SHCBP1L: variants seen among roughly 807,000 people sequenced by gnomAD.
The protein encoded by SHCBP1L is SHC binding and spindle associated 1 like.
SHCBP1L carries 67 observed loss-of-function variants against 62.5 expected under a neutral mutation model. The ratio of observed to expected loss-of-function variants is 1.07; its 90% confidence interval spans 0.88 to 1.31. The LOEUF is 1.31. Among genes scored for constraint, SHCBP1L ranks in the 40% most tolerant of loss-of-function variants. The pLI, the probability that SHCBP1L is intolerant of heterozygous loss-of-function variation, is 0.00. For missense variants in SHCBP1L, 823 were observed against 809.8 expected (o/e 1.02, Z -0.20); for synonymous variants, 284 against 289.4 (o/e 0.98, Z 0.19).
intron 6 of SHCBP1L, among the ~76,000 whole-genome samples, chr1:182,912,124 T>C (rs1372149082): frequency 6.6e-6 from 1 of 152,224 alleles, no homozygotes; most frequent in Non-Finnish European, 1.5e-5. Flanking sequence ...GCTTTTCTGA[T>C]TGTGGGTCAT....
chr1:182,903,770 A>G (rs1649916326), intron 8 of SHCBP1L, among the ~76,000 whole-genome samples: 1 of 152,168 alleles, frequency 6.6e-6, no homozygotes. Flanking sequence ...CTGGGATTAC[A>G]GGAGTGAACC....
At chr1:182,928,991 A>G (rs915264968) in intron 6 of SHCBP1L, among the ~76,000 whole-genome samples, 1 of 152,196 alleles carries the variant, frequency 6.6e-6, no homozygotes, top group Admixed American at 6.5e-5. Context: ...TGAGAAAAAA[A>G]GTAACTAGAA....
chr1:182,941,855 G>A (rs1368964313), intron 2 of SHCBP1L, among the ~76,000 whole-genome samples: 1 of 152,008 alleles, frequency 6.6e-6, no homozygotes, highest in Admixed American at 6.5e-5. Context: ...GACAGTCAAA[G>A]CCTCCCATAA....
chr1:182,908,444 T>C (rs910934248), intron 6 of SHCBP1L, among the ~76,000 whole-genome samples: 3 of 152,306 alleles, frequency 2.0e-5, no homozygotes, highest in Admixed American at 6.5e-5. Context: ...GCAAAGGACA[T>C]GATTTCATTC....
chr1:182,927,315 G>T (rs985840240), intron 6 of SHCBP1L, among the ~76,000 whole-genome samples: 44 of 151,776 alleles, frequency 2.9e-4, no homozygotes, highest in African/African-American at 1.0e-3. Context: ...CTGCGTCTAA[G>T]GGGTGGGTAT....
intron 6 of SHCBP1L, among the ~76,000 whole-genome samples, chr1:182,909,570 T>C (rs1400132592): frequency 6.6e-6 from 1 of 152,204 alleles, no homozygotes; most frequent in Non-Finnish European, 1.5e-5. Context: ...ATAGACCAAC[T>C]TATACACAGA....
chr1:182,952,235 TACACACAC>T (rs68031715), intron 1 of SHCBP1L, among the ~76,000 whole-genome samples: 3 of 42,850 alleles, frequency 7.0e-5, no homozygotes, highest in East Asian at 1.2e-3. Context: ...TATATATATA[TACACACAC>T]ACACACACAC....
intron 2 of SHCBP1L, among the ~76,000 whole-genome samples, chr1:182,943,694 C>T (rs1016680365): frequency 3.3e-5 from 5 of 151,198 alleles, no homozygotes; most frequent in African/African-American, 1.2e-4. Context: ...ATGATCCACC[C>T]GCCTCAGCCT....
intron 3 of SHCBP1L, 90 bp downstream of exon 3, chr1:182,940,239 A>T (rs1279280054): frequency 2.0e-5 from 20 of 1,017,708 alleles, no homozygotes; most frequent in Non-Finnish European, 2.8e-5. Context: ...TTAAATCAGT[A>T]AGTGCTTGTA....
intron 2 of SHCBP1L, among the ~76,000 whole-genome samples, chr1:182,950,089 C>A (rs1651697688): frequency 6.6e-6 from 1 of 152,118 alleles, no homozygotes; most frequent in African/African-American, 2.4e-5. Flanking sequence ...AGCCGCCATT[C>A]TTTATCTGTA....
At chr1:182,951,945 G>A in intron 1 of SHCBP1L, 1 of 357,658 alleles carries the variant, frequency 2.8e-6, no homozygotes, top group Non-Finnish European at 5.7e-6. Flanking sequence ...ACCTGAGGTC[G>A]GGAGTTCGAG....
chr1:182,918,556 A>C (rs1650431687), intron 6 of SHCBP1L, among the ~76,000 whole-genome samples: 1 of 152,204 alleles, frequency 6.6e-6, no homozygotes, highest in Non-Finnish European at 1.5e-5. Flanking sequence ...GGAAGATTTT[A>C]ATATTGCTAA....
In SHCBP1L at chr1:182,936,138, T is replaced by G. The variant is rs1261611845; in HGVS notation, c.1076+3038A>C. Among the ~76,000 whole-genome samples, 376 of 140,518 alleles carry G rather than the reference T, an allele frequency of 2.7e-3. 1 individual carries two copies. Among genetic ancestry groups the G allele is most frequent in the South Asian group, 5.2e-3 (22 of 4,230 alleles). 92.2% of individuals were successfully genotyped at this position (140,518 alleles called of 152,430 possible). A position where few individuals can be genotyped will look rare whatever the true frequency, so the allele number is the denominator to read the frequency against. On this transcript the variant is annotated intron_variant, in intron 5 of 9. Transcript: ENST00000367547. ...TTGCTTTTTTGTTTTTTGTTTTTTT[T>G]TTTTTTTTTTTTTTTGAGACAGAGT...
intron 2 of SHCBP1L, among the ~76,000 whole-genome samples, chr1:182,946,538 A>G (rs1001664705): frequency 2.6e-5 from 4 of 152,166 alleles, no homozygotes; most frequent in African/African-American, 7.2e-5. Context: ...ATTCAGTACC[A>G]GCAAATTTTC....
intron 6 of SHCBP1L, among the ~76,000 whole-genome samples, chr1:182,918,282 A>T (rs1387281925): frequency 6.6e-6 from 1 of 150,510 alleles, no homozygotes; most frequent in African/African-American, 2.4e-5. Flanking sequence ...CACCAAAAAC[A>T]TATGATAGCT....
At chr1:182,934,334 C>T (rs182172914) in intron 5 of SHCBP1L, among the ~76,000 whole-genome samples, 1 of 152,278 alleles carries the variant, frequency 6.6e-6, no homozygotes, top group East Asian at 1.9e-4. Context: ...CTTTGCTCAA[C>T]ATTCTCAGTA....
intron 2 of SHCBP1L, chr1:182,942,542 T>C (rs1334380757): frequency 2.6e-5 from 14 of 535,904 alleles, no homozygotes; most frequent in Non-Finnish European, 4.7e-5. Flanking sequence ...AATTCTTAAG[T>C]TGATTTAGCT....
chr1:182,947,337 G>A (rs1343516912), intron 2 of SHCBP1L, among the ~76,000 whole-genome samples: 10 of 151,860 alleles, frequency 6.6e-5, no homozygotes, highest in Admixed American at 5.9e-4. Context: ...AAGAAGCAAT[G>A]TTTTTCCACA....
At chr1:182,940,634 T>C in intron 2 of SHCBP1L, 91 bp from the exon 3 acceptor site, 2 of 1,047,194 alleles carry the variant, frequency 1.9e-6, no homozygotes, top group Non-Finnish European at 2.7e-6. Flanking sequence ...CATTATAAAG[T>C]TTCTTCTTTT....
Sources: allele counts gnomAD v4.1 joint callset (sites outside exome capture counted in the v4.1 genomes callset), GRCh38; gene constraint gnomAD v4.1.1; transcripts MANE v1.5; gene names NCBI Gene and HGNC (gene_info 2026-07-23, HGNC 2026-07-21).